Variants in DOCK9 observed in about 807,000 individuals in gnomAD.
The protein encoded by DOCK9 is dedicator of cytokinesis 9.
A neutral mutation model predicts 263.3 loss-of-function variants in DOCK9; 89 were observed. The observed-to-expected ratio is 0.34, with a 90% CI of 0.28 to 0.40. DOCK9 has a LOEUF of 0.40. DOCK9 is among the 10% of genes least tolerant of loss of function. The probability of loss-of-function intolerance (pLI) is 1.00; values close to 1 mark genes in which losing one functional copy is unlikely to be tolerated. For synonymous variants in DOCK9, 976 were observed against 973.1 expected (o/e 1.00, Z -0.06); for missense variants, 2,140 against 2,603.4 (o/e 0.82, Z 3.87).
intron 45 of DOCK9, among the ~76,000 whole-genome samples, chr13:98,813,404 A>AT: frequency 6.6e-6 from 1 of 152,054 alleles, no homozygotes; most frequent in South Asian, 2.1e-4. Flanking sequence ...TCTATTTCTC[A>AT]TTTTTTTAAA....
intron 1 of DOCK9, among the ~76,000 whole-genome samples, chr13:99,061,181 C>A (rs1004876731): frequency 6.6e-6 from 1 of 152,118 alleles, no homozygotes; most frequent in Non-Finnish European, 1.5e-5. Context: ...TGAGCCCAAG[C>A]TGTTTCATTC....
chr13:99,008,143 CCATT>C (rs1422881179), intron 1 of DOCK9, among the ~76,000 whole-genome samples: 1 of 148,746 alleles, frequency 6.7e-6, no homozygotes, highest in African/African-American at 2.5e-5. Flanking sequence ...ACATAAATGT[CCATT>C]CATTGACATG....
intron 1 of DOCK9, among the ~76,000 whole-genome samples, chr13:98,991,941 G>A (rs922028945): frequency 3.3e-5 from 5 of 152,172 alleles, no homozygotes; most frequent in Non-Finnish European, 5.9e-5. Context: ...ACTGGATGCA[G>A]GGAATCTGGA....
At chr13:98,887,597 C>A (rs1386284647) in intron 18 of DOCK9, among the ~76,000 whole-genome samples, 1 of 106,306 alleles carries the variant, frequency 9.4e-6, no homozygotes, top group African/African-American at 3.8e-5. Flanking sequence ...GCCTGGGCGA[C>A]AGAGCGAGAC....
intron 2 of DOCK9, chr13:98,950,275 G>T (rs2057256310): frequency 2.6e-6 from 2 of 762,200 alleles, no homozygotes; most frequent in Non-Finnish European, 2.2e-6. Context: ...CTGCCACGAG[G>T]AATCATATAG....
intron 35 of DOCK9, among the ~76,000 whole-genome samples, chr13:98,851,005 T>G (rs1435041194): frequency 2.6e-5 from 4 of 152,132 alleles, no homozygotes; most frequent in African/African-American, 9.7e-5. Context: ...CTCATGAAGA[T>G]GTATGGCCAC....
chr13:98,938,686 A>T (rs1294145875), intron 2 of DOCK9, among the ~76,000 whole-genome samples: 1 of 145,424 alleles, frequency 6.9e-6, no homozygotes, highest in Non-Finnish European at 1.5e-5. Context: ...TTATTTTTCT[A>T]ACCCTCTCAA....
intron 27 of DOCK9, 145 bp from the exon 28 acceptor site, chr13:98,868,522 G>T: frequency 1.1e-6 from 1 of 919,294 alleles, no homozygotes; most frequent in Non-Finnish European, 1.6e-6. Flanking sequence ...CCAGCACTTT[G>T]GGAAGCCAAG....
chr13:98,831,544 G>C lies in DOCK9; in HGVS notation c.4453-14C>G, dbSNP rs1409467949. 6.9e-6 allele frequency: 11 copies of C among 1,585,720 alleles called. No individual in the cohort carries two copies. The highest frequency in any genetic ancestry group is 8.6e-6 in the Non-Finnish European group (10 of 1,164,870). ...TGTTGAGGGAAACTAGACAGGATGA[G>C]AGGAAGCAGCAGATAAACCACAGAC... is the stretch of plus-strand genomic sequence containing the variant. On this transcript the variant is annotated splice_polypyrimidine_tract_variant and intron_variant, in intron 40 of 52. Transcript: ENST00000682017.
At chr13:98,811,408 G>T in intron 45 of DOCK9, among the ~76,000 whole-genome samples, 1 of 149,768 alleles carries the variant, frequency 6.7e-6, no homozygotes, top group African/African-American at 2.5e-5. Context: ...CTCCCAATCT[G>T]TGATTTGTCT....
At chr13:99,055,060 A>G (rs1170011320) in intron 1 of DOCK9, among the ~76,000 whole-genome samples, 1 of 152,220 alleles carries the variant, frequency 6.6e-6, no homozygotes, top group East Asian at 1.9e-4. Flanking sequence ...AGGTTCTGCT[A>G]TGAAATTTTC....
intron 45 of DOCK9, among the ~76,000 whole-genome samples, chr13:98,810,871 C>A (rs1188937821): frequency 1.3e-5 from 2 of 152,196 alleles, no homozygotes; most frequent in African/African-American, 4.8e-5. Flanking sequence ...CCTGGACTTA[C>A]ACTAATCAGC....
chr13:98,830,567 G>T (rs2092718940), intron 41 of DOCK9, among the ~76,000 whole-genome samples: 1 of 152,206 alleles, frequency 6.6e-6, no homozygotes, highest in South Asian at 2.1e-4. Context: ...TAGTTCCCCA[G>T]ATGGGTGCTT....
chr13:99,086,325 G>A (rs1229176254), exon 1 of DOCK9: 88 of 1,471,084 alleles, frequency 6.0e-5, no homozygotes, highest in Non-Finnish European at 7.8e-5. Context: ...TCTCCGCCGA[G>A]GCGGGGAGCA....
At chr13:98,876,300 T>G (rs1358156502) in intron 27 of DOCK9, among the ~76,000 whole-genome samples, 1 of 152,182 alleles carries the variant, frequency 6.6e-6, no homozygotes, top group Non-Finnish European at 1.5e-5. Context: ...GAGACCAGCC[T>G]GGCCAACATG....
intron 38 of DOCK9, among the ~76,000 whole-genome samples, chr13:98,844,645 G>T (rs1373204506): frequency 6.6e-6 from 1 of 152,196 alleles, no homozygotes; most frequent in Non-Finnish European, 1.5e-5. Flanking sequence ...CTCCCAAAGT[G>T]TTGGGATTAC....
At chr13:99,080,961 C>G (rs2042100906) in intron 1 of DOCK9, among the ~76,000 whole-genome samples, 1 of 152,236 alleles carries the variant, frequency 6.6e-6, no homozygotes, top group Non-Finnish European at 1.5e-5. Context: ...TTCCTTCCCT[C>G]CCTGTTCAAA....
upstream of DOCK9, among the ~76,000 whole-genome samples, chr13:98,981,943 G>A (rs757345145): frequency 6.6e-6 from 1 of 152,154 alleles, no homozygotes; most frequent in Non-Finnish European, 1.5e-5. Flanking sequence ...TCCGACCCCC[G>A]ATTCAACTTT....
Position 98,882,011 on chromosome 13 carries a change from C to G in DOCK9, c.2560-4G>C. The G allele has an allele frequency of 3.8e-6, 6 of 1,576,280 alleles. No homozygotes were observed. The highest frequency in any genetic ancestry group is 5.2e-6 in the Non-Finnish European group (6 of 1,159,432). On this transcript the variant is annotated splice_polypyrimidine_tract_variant and splice_region_variant and intron_variant, in intron 23 of 52. Transcript: ENST00000682017. ...GGCCTTCCATCGCATGCAGACTCTACGGACACAGAATGGCACAGTTCATGT... is the reference window on the plus strand; with the variant it reads ...GGCCTTCCATCGCATGCAGACTCTAGGGACACAGAATGGCACAGTTCATGT...
Sources: allele counts gnomAD v4.1 joint callset (sites outside exome capture counted in the v4.1 genomes callset), GRCh38; gene constraint gnomAD v4.1.1; transcripts MANE v1.5; gene names NCBI Gene and HGNC (gene_info 2026-07-23, HGNC 2026-07-21).